Variants in DNAH6 observed in about 807,000 individuals in gnomAD.
DNAH6 encodes axonemal beta dynein heavy chain 6.
DNAH6 carries 340 observed loss-of-function variants against 491.4 expected under a neutral mutation model. The ratio of observed to expected loss-of-function variants is 0.69; its 90% CI spans 0.63 to 0.76. The LOEUF is 0.76. Among genes scored for constraint, DNAH6 ranks in the 30% least tolerant of loss-of-function variants. DNAH6 has a pLI of 0.00. For synonymous variants in DNAH6, 1,603 were observed against 1,686.1 expected, an observed-to-expected ratio of 0.95 and a Z score of 1.21; for missense variants, 4,443 against 4,972.2, an observed-to-expected ratio of 0.89 and a Z score of 3.20.
At chr2:84,492,296 T>C in the DNAH6 span, among the ~76,000 whole-genome samples, 13 of 152,216 alleles carry the variant, frequency 8.5e-5, no homozygotes, top group Non-Finnish European at 1.5e-4. Context: ...CCTTCTGTTT[T>C]ACTCATTCCA....
At chr2:84,790,988 G>A (rs1457792006) in intron 68 of DNAH6, among the ~76,000 whole-genome samples, 3 of 151,968 alleles carry the variant, frequency 2.0e-5, no homozygotes, top group African/African-American at 2.4e-5. Context: ...TCAGGAGTTC[G>A]AGACCAGCCT....
rs1259855576 is a variant in DNAH6 at position 84,733,583 on chromosome 2, A to C, written c.10342+4A>C. The C allele has an allele frequency of 6.4e-7, 1 of 1,550,398 alleles. No homozygotes were observed. Among genetic ancestry groups the C allele is most frequent in the South Asian group, 1.2e-5 (1 of 83,746 alleles). On this transcript the variant is annotated splice_donor_region_variant and intron_variant, in intron 62 of 76. Coordinates refer to ENST00000389394, the MANE Select transcript of DNAH6 (RefSeq NM_001370.2). ...CATCCTATTTCCATACGCTTAGGTA[A>C]TGTGACAAAAAGAACCTGCTGAGGA...
intron 45 of DNAH6, among the ~76,000 whole-genome samples, chr2:84,693,497 A>T (rs1360229315): frequency 6.6e-6 from 1 of 151,956 alleles, no homozygotes; most frequent in Non-Finnish European, 1.5e-5. Context: ...TAATCCCAGT[A>T]CTTTGGGAGG....
intron 64 of DNAH6, chr2:84,777,332 G>T (rs1413564801): frequency 5.9e-6 from 2 of 338,814 alleles, no homozygotes; most frequent in Non-Finnish European, 1.2e-5. Context: ...TTCCTCAGGA[G>T]TCAGACTCAC....
chr2:84,640,578 G>C lies in DNAH6; in HGVS notation c.4970G>C (p.Gly1657Ala). The change falls in exon 32 of 77, where the codon GGA (glycine) becomes GCA (alanine). Residue 1657 changes from glycine to alanine, a missense_variant and splice_region_variant. Transcript: ENST00000389394. ...GTGAAGTCTGTCCTGGTCATGGCTGGGTAAGAAACCAAAGTAGTCAAGAGT... is the reference window on the plus strand; with the variant it reads ...GTGAAGTCTGTCCTGGTCATGGCTGCGTAAGAAACCAAAGTAGTCAAGAGT... Reference protein sequence around the residue: ...RAVKSVLVMAGSLKRENPDLN... With the variant: ...RAVKSVLVMAASLKRENPDLN... The C allele has an allele frequency of 6.5e-7, 1 of 1,542,314 alleles. No individual in the cohort carries two copies. Among genetic ancestry groups the C allele is most frequent in the Non-Finnish European group, 8.7e-7 (1 of 1,143,740 alleles).
At chr2:84,712,343 ACAGT>A (rs1435421345) in intron 56 of DNAH6, among the ~76,000 whole-genome samples, 4 of 152,244 alleles carry the variant, frequency 2.6e-5, no homozygotes, top group African/African-American at 9.6e-5. Flanking sequence ...AAAATGGATG[ACAGT>A]CAAATTTTGA....
At chr2:84,616,791 A>T (rs1686894128) in intron 22 of DNAH6, 95 bp from the exon 23 acceptor site, 1 of 543,628 alleles carries the variant, frequency 1.8e-6, no homozygotes, top group Admixed American at 4.3e-5. Context: ...TAGGGAGAAG[A>T]TTCATAAATT....
intron 63 of DNAH6, among the ~76,000 whole-genome samples, chr2:84,758,709 T>C (rs1265948660): frequency 6.6e-6 from 1 of 152,182 alleles, no homozygotes; most frequent in Non-Finnish European, 1.5e-5. Flanking sequence ...ATCATCTCAA[T>C]AGACTCAGAA....
intron 22 of DNAH6, among the ~76,000 whole-genome samples, chr2:84,613,646 C>T (rs1057149316): frequency 6.6e-6 from 1 of 152,032 alleles, no homozygotes; most frequent in African/African-American, 2.4e-5. Flanking sequence ...AGAAAAGATA[C>T]CAGTAAGAAA....
intron 64 of DNAH6, chr2:84,777,379 G>T: frequency 2.4e-6 from 1 of 415,822 alleles, no homozygotes; most frequent in Non-Finnish European, 4.6e-6. Context: ...GTCCCAAAAT[G>T]CAAGGAACAT....
At chr2:84,620,998 T>C (rs929276709) in intron 24 of DNAH6, among the ~76,000 whole-genome samples, 193 bp from the exon 25 acceptor site, 3 of 152,130 alleles carry the variant, frequency 2.0e-5, no homozygotes, top group Non-Finnish European at 4.4e-5. Flanking sequence ...TGACTCCAAG[T>C]GGAAGCAGTA....
intron 31 of DNAH6, among the ~76,000 whole-genome samples, chr2:84,639,045 G>C (rs1689134649): frequency 6.6e-6 from 1 of 152,070 alleles, no homozygotes; most frequent in Non-Finnish European, 1.5e-5. Context: ...TTCAGCACTG[G>C]GAATTATAAT....
Position 84,777,854 on chromosome 2 carries a change from T to C in DNAH6, c.10704-3639T>C, listed in dbSNP as rs535172927. On this transcript the variant is annotated intron_variant, in intron 64 of 76. Coordinates refer to ENST00000389394, the MANE Select transcript of DNAH6 (RefSeq NM_001370.2). ...CACTGGATTTGAAACAATAAGCAAATTGCAGTTCGTGCTGTATTTTACAAC... is the reference window on the plus strand; with the variant it reads ...CACTGGATTTGAAACAATAAGCAAACTGCAGTTCGTGCTGTATTTTACAAC... The C allele has an allele frequency of 9.0e-5, 112 of 1,244,118 alleles. No homozygotes were observed. In the South Asian group the frequency reaches 1.3e-3, roughly 14 times the overall value. 77.1% of individuals were successfully genotyped at this position (1,244,118 alleles called of 1,614,324 possible).
chr2:84,640,942 A>G lies in DNAH6; in HGVS notation c.4970+364A>G, dbSNP rs139101500. 7.8e-4 allele frequency among the ~76,000 whole-genome samples: 119 copies of G among 152,372 alleles called. 1 individual carries two copies. The highest frequency in any genetic ancestry group is 6.0e-3 in the South Asian group (29 of 4,832). On this transcript the variant is annotated intron_variant, in intron 32 of 76. Coordinates refer to ENST00000389394, the MANE Select transcript of DNAH6 (RefSeq NM_001370.2). ...AAAAGACACACAGTCTGTTATGCAT[A>G]TGCAACAAAGCCAGTCATACTTGTT...
At chr2:84,697,933 C>T in intron 47 of DNAH6, 1 of 577,522 alleles carries the variant, frequency 1.7e-6, no homozygotes, top group Non-Finnish European at 3.0e-6. Flanking sequence ...AAGCAGAAAA[C>T]AGAAATCCCA....
Position 84,670,381 on chromosome 2 carries a change from C to A in DNAH6, c.6360C>A (p.Val2120=). The part of the protein sequence containing the change: ...LNKIQESAGY[V]PVYLNFSAQT... The stretch of plus-strand genomic sequence containing the variant: ...AAATTCAAGAATCAGCTGGCTATGT[C>A]CCTGTTTATCTAAATTTTTCTGCTC... Residue 2120 remains valine (V), a synonymous_variant, in exon 39 of 77, where the codon GTC becomes GTA. Transcript: ENST00000389394. 6.5e-7 allele frequency: 1 copy of A among 1,544,164 alleles called. No individual in the cohort carries two copies. Among genetic ancestry groups the A allele is most frequent in the South Asian group, 1.2e-5 (1 of 82,964 alleles).
chr2:84,524,445 G>A (rs964895274), intron 2 of DNAH6, among the ~76,000 whole-genome samples: 4 of 151,910 alleles, frequency 2.6e-5, no homozygotes, highest in Non-Finnish European at 5.9e-5. Context: ...TTCAAGGTTA[G>A]TGTTGATATG....
At chr2:84,745,413 C>T (rs1672871363) in intron 63 of DNAH6, among the ~76,000 whole-genome samples, 164 bp downstream of exon 63, 1 of 152,200 alleles carries the variant, frequency 6.6e-6, no homozygotes, top group Non-Finnish European at 1.5e-5. Context: ...CGCCTGTAAT[C>T]CCAGCACTTT....
intron 11 of DNAH6, among the ~76,000 whole-genome samples, chr2:84,562,114 A>C (rs1263357950): frequency 6.6e-6 from 1 of 152,170 alleles, no homozygotes; most frequent in East Asian, 1.9e-4. Flanking sequence ...AGAAAAGTAG[A>C]ATAAGGTTAT....
Sources: allele counts gnomAD v4.1 joint callset (sites outside exome capture counted in the v4.1 genomes callset), GRCh38; gene constraint gnomAD v4.1.1; transcripts MANE v1.5; gene names NCBI Gene and HGNC (gene_info 2026-07-23, HGNC 2026-07-21).